The following PKD1L3 variants were observed in gnomAD, a reference collection of about 807,000 sequenced individuals.
PKD1L3 encodes the protein polycystin-1-like protein 3.
A neutral mutation model predicts 184.1 loss-of-function variants in PKD1L3; 239 were observed. That is an observed-to-expected ratio of 1.30 (90% confidence interval 1.17 to 1.45). PKD1L3 has a LOEUF of 1.45. Ranked by LOEUF, PKD1L3 falls within the 40% of genes most tolerant of loss-of-function variation. The pLI, the probability that PKD1L3 is intolerant of heterozygous loss-of-function variation, is 0.00. For synonymous variants in PKD1L3, 996 were observed against 778.8 expected (o/e 1.28, Z -4.64); for missense variants, 2,660 against 2,067.2 (o/e 1.29, Z -5.56).
intron 16 of PKD1L3, among the ~76,000 whole-genome samples, chr16:71,957,971 T>C (rs775922095): frequency 1.1e-4 from 16 of 152,220 alleles, no homozygotes; most frequent in Non-Finnish European, 2.1e-4. Context: ...GCTGTCACAA[T>C]GTTTCTGCTT....
intron 4 of PKD1L3, among the ~76,000 whole-genome samples, chr16:71,988,357 G>A (rs2040456115): frequency 6.6e-6 from 1 of 152,258 alleles, no homozygotes; most frequent in African/African-American, 2.4e-5. Context: ...ATCACACCCG[G>A]CTAATTTTCA....
rs1248128645 is a variant in PKD1L3, at chr16:71,986,265, A to T, written c.790T>A (p.Phe264Ile). The change falls in exon 5 of 30, where the codon TTC (phenylalanine) becomes ATC (isoleucine). Residue 264 changes from phenylalanine to isoleucine, a missense_variant. Physicochemically the swap from Phe to Ile is conservative, Grantham distance 21. Transcript: ENST00000620267. ...AATGACACTTGTAGATAAGAGGTGAAGGTATTCGGATGACCTTCTTCCTTT... is the reference window on the plus strand; with the variant it reads ...AATGACACTTGTAGATAAGAGGTGATGGTATTCGGATGACCTTCTTCCTTT... ...SPKEEGHPNT[F>I]TSYLQVSLQK... 6.4e-7 allele frequency: 1 copy of T among 1,552,270 alleles called. No homozygotes were observed. Among genetic ancestry groups the T allele is most frequent in the East Asian group, 2.4e-5 (1 of 40,918 alleles).
chr16:71,941,817 C>T (rs1339999000), intron 24 of PKD1L3, among the ~76,000 whole-genome samples: 2 of 151,590 alleles, frequency 1.3e-5, no homozygotes, highest in African/African-American at 4.8e-5. Flanking sequence ...ACTCCTAGAC[C>T]TTGTGATCCA....
intron 22 of PKD1L3, 26 bp from the exon 23 acceptor site, chr16:71,944,196 A>C (rs1243914495): frequency 6.5e-7 from 1 of 1,529,206 alleles, no homozygotes; most frequent in Non-Finnish European, 8.9e-7. Flanking sequence ...ATATAGACCA[A>C]AGAAATGTTA....
At chr16:71,980,536 C>T (rs779137404) in intron 7 of PKD1L3, among the ~76,000 whole-genome samples, 6 of 152,242 alleles carry the variant, frequency 3.9e-5, no homozygotes, top group South Asian at 2.1e-4. Flanking sequence ...TTCATCCTCC[C>T]TAAAATAAAC....
intron 12 of PKD1L3, among the ~76,000 whole-genome samples, chr16:71,972,130 G>A (rs2039736053): frequency 6.6e-6 from 1 of 151,862 alleles, no homozygotes; most frequent in Non-Finnish European, 1.5e-5. Flanking sequence ...GCAGGAGAAT[G>A]GCATGAACCT....
chr16:71,965,715 G>A (rs893439560), intron 15 of PKD1L3, among the ~76,000 whole-genome samples: 1 of 151,918 alleles, frequency 6.6e-6, no homozygotes, highest in African/African-American at 2.4e-5. Flanking sequence ...CACCATGCCC[G>A]GCTAATTTTT....
intron 3 of PKD1L3, among the ~76,000 whole-genome samples, chr16:71,992,395 C>T (rs1452384602): frequency 6.6e-6 from 1 of 152,184 alleles, no homozygotes; most frequent in Non-Finnish European, 1.5e-5. Flanking sequence ...CTTAAAGCCA[C>T]ATGTTACGTA....
At position 71,973,431 on chromosome 16, in the gene PKD1L3, G is replaced by A; in HGVS notation, c.1846C>T (p.Gln616Ter). The A allele has an allele frequency of 1.9e-6, 3 of 1,551,668 alleles. No individual in the cohort carries two copies. The highest frequency in any genetic ancestry group is 2.6e-6 in the Non-Finnish European group (3 of 1,147,006). ...CTGGGTGTCTGCTGAGCACCCTCCT[G>A]CCTCTCACTCAGCACAGCTGTTATA... ...YYITAVLSER[Q>*]EGAQQTPSLV... The change falls in exon 12 of 30, where the codon CAG becomes TAG. Residue 616 changes from glutamine (Q) to a stop codon, truncating the protein, a stop_gained. Transcript: ENST00000620267. LOFTEE classifies it high-confidence loss of function.
At chr16:71,984,769 G>A (rs758781369) in intron 5 of PKD1L3, among the ~76,000 whole-genome samples, 7 of 152,212 alleles carry the variant, frequency 4.6e-5, no homozygotes, top group Non-Finnish European at 1.0e-4. Flanking sequence ...TGAGGCAGGA[G>A]AATCTCTTGA....
chr16:71,935,179 C>CAGTT (rs1293758989), intron 26 of PKD1L3, among the ~76,000 whole-genome samples, 179 bp downstream of exon 26: 3 of 152,246 alleles, frequency 2.0e-5, no homozygotes, highest in African/African-American at 7.2e-5. Flanking sequence ...ATGTGACTAG[C>CAGTT]AGTTAAATGG....
At chr16:71,972,861 G>A (rs2039771520) in intron 12 of PKD1L3, among the ~76,000 whole-genome samples, 1 of 152,060 alleles carries the variant, frequency 6.6e-6, no homozygotes, top group Admixed American at 6.6e-5. Flanking sequence ...TAATAGTGCT[G>A]GTTTAAAGCA....
chr16:71,993,246 C>G lies in PKD1L3; in HGVS notation c.505G>C (p.Val169Leu), dbSNP rs1279371066. Residue 169 changes from valine to leucine, a missense_variant, in exon 3 of 30, where the codon GTT becomes CTT. Transcript: ENST00000620267. ...GGCATTTTGTCTCTTGCTATTGCAA[C>G]TCCTCTTTTTGTCTTCTTGTGTCTC... ...YQRHKKTKRG[V>L]AIARDKMPPG... 6.5e-7 allele frequency: 1 copy of G among 1,550,038 alleles called. No homozygotes were observed. Among genetic ancestry groups the G allele is most frequent in the Non-Finnish European group, 8.7e-7 (1 of 1,146,274 alleles).
chr16:71,978,709 T>G (rs2143715835), intron 9 of PKD1L3, among the ~76,000 whole-genome samples: 2 of 151,656 alleles, frequency 1.3e-5, no homozygotes, highest in Middle Eastern at 6.8e-3. Flanking sequence ...CTGGCTAATT[T>G]TTGTATTTTT....
At chr16:71,929,887 A>C in intron 29 of PKD1L3, 165 bp downstream of exon 29, 1 of 1,039,838 alleles carries the variant, frequency 9.6e-7, no homozygotes, top group Non-Finnish European at 1.4e-6. Flanking sequence ...ATGTAGTCTT[A>C]TAAATTGGGT....
rs78847227 is a variant in PKD1L3, at chr16:71,978,340, C to G, written c.1442G>C (p.Arg481Thr). 6,554 of 1,550,636 alleles carry G rather than the reference C, an allele frequency of 4.2e-3. 22 individuals are homozygous for G. Among genetic ancestry groups the G allele is most frequent in the Middle Eastern group, 0.012 (71 of 5,990 alleles). The part of the protein sequence containing the change: ...AFNPFKDLDN[R>T]NIVGSIGSVL... Reference sequence around the variant, plus strand: ...ACTTCCAATGCTTCCAACAATGTTTCTGTTGTCCAAATCCTTGAAGGGATT... The same window carrying G: ...ACTTCCAATGCTTCCAACAATGTTTGTGTTGTCCAAATCCTTGAAGGGATT... The change falls in exon 10 of 30, where the codon AGA becomes ACA. Residue 481 changes from arginine to threonine, a missense_variant. Coordinates refer to ENST00000620267, the MANE Select transcript of PKD1L3 (RefSeq NM_181536.2).
chr16:71,961,107 T>C (rs957768564), intron 16 of PKD1L3, among the ~76,000 whole-genome samples: 4 of 152,118 alleles, frequency 2.6e-5, no homozygotes, highest in South Asian at 2.1e-4. Flanking sequence ...CCATGATTTT[T>C]AGTTTCAAGA....
At chr16:71,983,007 T>C (rs8063499) in intron 6 of PKD1L3, among the ~76,000 whole-genome samples, 83,751 of 152,074 alleles carry the variant, frequency 0.55, 23,728 homozygotes, top group African/African-American at 0.66. Context: ...AATATATTAT[T>C]TCATATAACC....
At chr16:71,943,079 CTA>C in intron 23 of PKD1L3, 55 bp from the exon 24 acceptor site, 1 of 1,363,106 alleles carries the variant, frequency 7.3e-7, no homozygotes, top group South Asian at 1.4e-5. Context: ...TAGAAATCCT[CTA>C]TGTCTTTTTC....
Sources: allele counts gnomAD v4.1 joint callset (sites outside exome capture counted in the v4.1 genomes callset), GRCh38; gene constraint gnomAD v4.1.1; transcripts MANE v1.5; gene names NCBI Gene and HGNC (gene_info 2026-07-23, HGNC 2026-07-21).